FAM210A: variants seen among roughly 807,000 people sequenced by gnomAD.
FAM210A encodes the protein family with sequence similarity 210 member A.
Under a neutral mutation model 25.3 loss-of-function variants are expected in FAM210A, and 13 were observed. The observed-to-expected ratio is 0.51, with a 90% CI of 0.33 to 0.82. The LOEUF (loss-of-function observed/expected upper bound fraction) is 0.82. Among genes scored for constraint, FAM210A ranks in the 40% least tolerant of loss-of-function variants. FAM210A has a pLI of 0.02. For synonymous variants in FAM210A, 125 were observed against 118.7 expected, an observed-to-expected ratio of 1.05 and a Z score of -0.35; for missense variants, 319 against 323.2, an observed-to-expected ratio of 0.99 and a Z score of 0.10.
intron 2 of FAM210A, among the ~76,000 whole-genome samples, chr18:13,675,170 CTTT>C (rs371293749): frequency 7.1e-6 from 1 of 140,438 alleles, no homozygotes; most frequent in Admixed American, 7.2e-5. Flanking sequence ...GCCCCAGCTT[CTTT>C]ATTTCCTGTT....
intron 1 of FAM210A, among the ~76,000 whole-genome samples, chr18:13,695,649 G>A (rs2043686174): frequency 6.6e-6 from 1 of 151,066 alleles, no homozygotes; most frequent in Non-Finnish European, 1.5e-5. Context: ...TCACTCATAG[G>A]TGGGAACTGA....
intron 3 of FAM210A, among the ~76,000 whole-genome samples, chr18:13,671,545 C>T (rs140660892): frequency 2.6e-5 from 4 of 152,030 alleles, no homozygotes; most frequent in East Asian, 1.9e-4. Context: ...TTTTTACTTC[C>T]ACTTTATTTT....
chr18:13,695,325 G>A (rs1217428281), intron 1 of FAM210A, among the ~76,000 whole-genome samples: 2 of 152,124 alleles, frequency 1.3e-5, no homozygotes, highest in African/African-American at 2.4e-5. Context: ...AAGGATCTAG[G>A]ACTATAAATA....
intron 1 of FAM210A, among the ~76,000 whole-genome samples, chr18:13,685,565 T>C (rs1326758895): frequency 6.6e-6 from 1 of 152,218 alleles, no homozygotes; most frequent in African/African-American, 2.4e-5. Context: ...AGATAATAAC[T>C]CTTCCAACCA....
At chr18:13,719,270 A>C (rs1375908326) in intron 1 of FAM210A, among the ~76,000 whole-genome samples, 2 of 152,176 alleles carry the variant, frequency 1.3e-5, no homozygotes. Context: ...AGCAAGGAAG[A>C]GTTACTATAA....
chr18:13,677,515 C>CA (rs1388505661), intron 2 of FAM210A, among the ~76,000 whole-genome samples: 6 of 152,200 alleles, frequency 3.9e-5, no homozygotes, highest in Non-Finnish European at 7.3e-5. Flanking sequence ...CAGAACAGAA[C>CA]AGGGATTTTC....
chr18:13,674,153 T>G (rs1222221079), intron 2 of FAM210A, among the ~76,000 whole-genome samples: 6 of 150,918 alleles, frequency 4.0e-5, no homozygotes, highest in African/African-American at 1.5e-4. Flanking sequence ...TATTTCCAGT[T>G]TCCTGATTAT....
intron 1 of FAM210A, among the ~76,000 whole-genome samples, chr18:13,720,833 T>C (rs1432249689): frequency 6.6e-6 from 1 of 152,020 alleles, no homozygotes; most frequent in Admixed American, 6.6e-5. Context: ...TCAAAGGGGG[T>C]GAAGAAGAAT....
chr18:13,699,975 T>C (rs1335106394), intron 1 of FAM210A, among the ~76,000 whole-genome samples: 2 of 152,236 alleles, frequency 1.3e-5, no homozygotes, highest in Admixed American at 6.5e-5. Context: ...ACACTCAATG[T>C]AGAATACTTC....
intron 1 of FAM210A, among the ~76,000 whole-genome samples, chr18:13,688,965 T>A (rs964595580): frequency 6.6e-6 from 1 of 152,232 alleles, no homozygotes; most frequent in Non-Finnish European, 1.5e-5. Context: ...CCAGTTCCCA[T>A]GCTCATTTGC....
At chr18:13,722,594 T>A (rs73958027) in intron 1 of FAM210A, among the ~76,000 whole-genome samples, 1,731 of 152,318 alleles carry the variant, frequency 0.011, 37 homozygotes, top group African/African-American at 0.04. Context: ...ATGGCCCTAT[T>A]CCAAATGTGC....
At chr18:13,725,180 T>C (rs945107332) in intron 1 of FAM210A, among the ~76,000 whole-genome samples, 1 of 152,220 alleles carries the variant, frequency 6.6e-6, no homozygotes, top group Non-Finnish European at 1.5e-5. Flanking sequence ...GGGAATGTAA[T>C]TGCCTGGTTC....
intron 1 of FAM210A, among the ~76,000 whole-genome samples, chr18:13,689,471 T>C (rs541894096): frequency 6.6e-6 from 1 of 152,306 alleles, no homozygotes; most frequent in Non-Finnish European, 1.5e-5. Context: ...AAAACAAATT[T>C]CTCAGCAAAC....
chr18:13,697,412 A>C, intron 1 of FAM210A: 1 of 156,926 alleles, frequency 6.4e-6, no homozygotes, highest in Non-Finnish European at 1.4e-5. Context: ...AAATCCAAAA[A>C]CATTAACACC....
chr18:13,720,195 T>C (rs140626528), intron 1 of FAM210A, among the ~76,000 whole-genome samples: 1 of 152,182 alleles, frequency 6.6e-6, no homozygotes, highest in Non-Finnish European at 1.5e-5. Flanking sequence ...GGTTCTACAC[T>C]GTATCTCCTA....
chr18:13,672,995 C>G (rs2043456084), intron 2 of FAM210A, among the ~76,000 whole-genome samples: 1 of 152,166 alleles, frequency 6.6e-6, no homozygotes, highest in Non-Finnish European at 1.5e-5. Flanking sequence ...TTCCTGAGAC[C>G]CGACTTCTTT....
chr18:13,719,126 A>T (rs1227849276), intron 1 of FAM210A, among the ~76,000 whole-genome samples: 1 of 152,238 alleles, frequency 6.6e-6, no homozygotes, highest in African/African-American at 2.4e-5. Flanking sequence ...AATTTTTCTT[A>T]ACATTATATA....
chr18:13,687,088 T>C (rs1469991444), intron 1 of FAM210A, among the ~76,000 whole-genome samples: 2 of 152,202 alleles, frequency 1.3e-5, no homozygotes, highest in Non-Finnish European at 2.9e-5. Context: ...TTAATCCAGA[T>C]ATGCAAAGGT....
In FAM210A at chr18:13,671,926, C is replaced by A; in HGVS notation, c.521G>T (p.Ser174Ile). Residue 174 changes from serine (S) to isoleucine (I), a missense_variant, in exon 3 of 4, where the codon AGT (serine) becomes ATT (isoleucine). By Grantham distance (142) the Ser-to-Ile change is moderately radical. Transcript: ENST00000651643. ...PFLELIGLPD[S>I]VVSILKNSQS... ...GGAGTTTTTCAGGATGCTTACCACA[C>A]TGTCAGGTAACCCAATGAGTTCTAG... 6.2e-7 allele frequency: 1 copy of A among 1,613,154 alleles called. No homozygotes were observed. Among genetic ancestry groups the A allele is most frequent in the South Asian group, 1.1e-5 (1 of 91,062 alleles).
Sources: gnomAD v4.1 joint callset for allele counts (sites outside exome capture counted in the v4.1 genomes callset) on GRCh38, gnomAD v4.1.1 for gene constraint, MANE v1.5 for transcripts, NCBI Gene and HGNC (gene_info 2026-07-23, HGNC 2026-07-21) for gene names.